PAWR: variants seen among roughly 807,000 people sequenced by gnomAD.
PAWR encodes pro-apoptotic WT1 regulator.
In PAWR, 23 loss-of-function variants were observed where a neutral mutation model predicts 32.0. The ratio of observed to expected loss-of-function variants is 0.72; its 90% CI spans 0.52 to 1.02. PAWR has a LOEUF of 1.02. Ranked by LOEUF, PAWR falls within the 50% of genes least tolerant of loss-of-function variation. PAWR has a pLI of 0.00. For missense variants in PAWR, 457 were observed against 437.7 expected (o/e 1.04, Z -0.39); for synonymous variants, 226 against 187.1 (o/e 1.21, Z -1.70).
At chr12:79,637,043 CAAGT>C (rs1875994744) in intron 2 of PAWR, among the ~76,000 whole-genome samples, 1 of 152,092 alleles carries the variant, frequency 6.6e-6, no homozygotes, top group African/African-American at 2.4e-5. Flanking sequence ...TTTAAACAGC[CAAGT>C]AAGTTCAACT....
chr12:79,644,186 G>A (rs1876464169), intron 2 of PAWR, among the ~76,000 whole-genome samples: 1 of 152,048 alleles, frequency 6.6e-6, no homozygotes, highest in African/African-American at 2.4e-5. Flanking sequence ...ATTTTAAAAG[G>A]ACCCAAAGTT....
intron 3 of PAWR, among the ~76,000 whole-genome samples, chr12:79,616,327 C>G (rs1193484458): frequency 6.6e-6 from 1 of 151,898 alleles, no homozygotes; most frequent in African/African-American, 2.4e-5. Flanking sequence ...GCTTGATTGC[C>G]CAGATTGCCT....
intron 2 of PAWR, among the ~76,000 whole-genome samples, chr12:79,638,984 C>G (rs1366020408): frequency 7.5e-6 from 1 of 132,672 alleles, no homozygotes; most frequent in Non-Finnish European, 1.6e-5. Flanking sequence ...ATGATCTCAG[C>G]TCACTGCAAC....
At chr12:79,690,720 C>A (rs1172991765) in intron 1 of PAWR, 152 bp downstream of exon 1, 1 of 152,974 alleles carries the variant, frequency 6.5e-6, no homozygotes, top group South Asian at 2.1e-4. Flanking sequence ...ATCGCCTGCT[C>A]CGCGCTCTAG....
At chr12:79,678,870 T>TA (rs891068861) in intron 2 of PAWR, among the ~76,000 whole-genome samples, 43 of 149,338 alleles carry the variant, frequency 2.9e-4, no homozygotes, top group African/African-American at 1.1e-3. Context: ...TTTAGGGTAT[T>TA]TTTTTTTTTT....
intron 4 of PAWR, chr12:79,604,072 A>C (rs1874071939): frequency 6.1e-6 from 1 of 163,378 alleles, no homozygotes; most frequent in Non-Finnish European, 1.3e-5. Flanking sequence ...ATTGTGAAGA[A>C]TTGTGTTACT....
intron 4 of PAWR, among the ~76,000 whole-genome samples, chr12:79,601,207 ATTTTTTTTTTTT>A (rs534042888): frequency 2.5e-5 from 3 of 118,496 alleles, no homozygotes; most frequent in Admixed American, 9.0e-5. Context: ...GGAAACCTGA[ATTTTTTTTTTTT>A]TTTTTTTTTT....
At chr12:79,619,901 A>G (rs1004183345) in intron 3 of PAWR, among the ~76,000 whole-genome samples, 1 of 152,246 alleles carries the variant, frequency 6.6e-6, no homozygotes, top group African/African-American at 2.4e-5. Context: ...TCAAGCTTAT[A>G]AAGATCAATA....
chr12:79,680,764 C>T (rs1447138651), intron 2 of PAWR, among the ~76,000 whole-genome samples: 3 of 152,078 alleles, frequency 2.0e-5, no homozygotes, highest in Non-Finnish European at 4.4e-5. Flanking sequence ...ACCTATGAGA[C>T]TCTTTCAATG....
intron 2 of PAWR, among the ~76,000 whole-genome samples, chr12:79,651,237 A>C (rs943719894): frequency 7.2e-5 from 11 of 152,228 alleles, no homozygotes; most frequent in African/African-American, 2.7e-4. Flanking sequence ...TTCTTTCTTC[A>C]CACTTGAATT....
At chr12:79,648,503 A>G (rs1417942688) in intron 2 of PAWR, among the ~76,000 whole-genome samples, 2 of 151,704 alleles carry the variant, frequency 1.3e-5, no homozygotes, top group South Asian at 4.2e-4. Context: ...TATAATGTGT[A>G]TTATTTGCAT....
At chr12:79,653,128 C>T (rs1038924936) in intron 2 of PAWR, among the ~76,000 whole-genome samples, 2 of 151,888 alleles carry the variant, frequency 1.3e-5, no homozygotes, top group Admixed American at 6.6e-5. Flanking sequence ...ACTGCAACCT[C>T]CACCTCCCAC....
rs1402553503 is a variant in PAWR, at chr12:79,592,172, T to G, written c.*435A>C. ...GACAGTAGACAAAAACCTTTATGAG[T>G]GAGTCATCAACACATAAAAGGTTGC... On this transcript the variant is annotated 3_prime_UTR_variant, in exon 7 of 7. Transcript: ENST00000328827. 6.5e-6 allele frequency: 1 copy of G among 153,518 alleles called. No individual in the cohort carries two copies. The highest frequency in any genetic ancestry group is 1.5e-5 in the Non-Finnish European group (1 of 68,742). 9.5% of individuals were successfully genotyped at this position (153,518 alleles called of 1,614,324 possible).
rs1286575241 is a variant in PAWR, at chr12:79,591,783, T to A, written c.*824A>T. ...TGCATGCTAATATAAAAATATGGAT[T>A]TTTTTCTCCTACACTGACTTTGTAC... is the stretch of plus-strand genomic sequence containing the variant. On this transcript the variant is annotated 3_prime_UTR_variant, in exon 7 of 7. Coordinates refer to ENST00000328827, the MANE Select transcript of PAWR (RefSeq NM_002583.4). The A allele has an allele frequency of 6.6e-6, 1 of 152,182 alleles. No homozygotes were observed. Among genetic ancestry groups the A allele is most frequent in the East Asian group, 1.9e-4 (1 of 5,202 alleles). The allele number at this position is 152,182 out of a possible 1,614,324, so 9.4% of individuals were successfully genotyped here.
At chr12:79,603,665 C>CAATTTTTTTT (rs1565998443) in intron 4 of PAWR, 49 of 141,448 alleles carry the variant, frequency 3.5e-4, no homozygotes, top group African/African-American at 1.2e-3. Context: ...CATCATTATG[C>CAATTTTTTTT]TATTTTTTTT....
chr12:79,632,339 ATATAT>A (rs1162019021), intron 2 of PAWR, among the ~76,000 whole-genome samples: 4 of 53,028 alleles, frequency 7.5e-5, no homozygotes, highest in Non-Finnish European at 1.1e-4. Flanking sequence ...ATATATATAT[ATATAT>A]ATATATATAT....
At chr12:79,648,205 G>A (rs182224067) in intron 2 of PAWR, among the ~76,000 whole-genome samples, 79 of 152,224 alleles carry the variant, frequency 5.2e-4, no homozygotes, top group African/African-American at 1.9e-3. Context: ...TAAATAAAAT[G>A]ACTAAAGATG....
intron 2 of PAWR, among the ~76,000 whole-genome samples, chr12:79,639,163 A>T (rs1289352892): frequency 6.6e-6 from 1 of 151,186 alleles, no homozygotes; most frequent in Admixed American, 6.6e-5. Flanking sequence ...TGCCCGCCTC[A>T]GCCTCCCACA....
chr12:79,665,139 TC>T (rs1877542428), intron 2 of PAWR, among the ~76,000 whole-genome samples: 2 of 152,206 alleles, frequency 1.3e-5, no homozygotes, highest in Non-Finnish European at 1.5e-5. Context: ...CTCAGAAGAT[TC>T]CCAAAAAAAT....
Sources: gnomAD v4.1 joint callset for allele counts (sites outside exome capture counted in the v4.1 genomes callset) on GRCh38, gnomAD v4.1.1 for gene constraint, MANE v1.5 for transcripts, NCBI Gene and HGNC (gene_info 2026-07-23, HGNC 2026-07-21) for gene names.